Variants in TRIB1 observed in about 807,000 individuals in gnomAD.
The protein encoded by TRIB1 is tribbles homolog 1.
Under a neutral mutation model 27.8 loss-of-function variants are expected in TRIB1, and 12 were observed. The observed-to-expected ratio is 0.43, with a 90% CI of 0.28 to 0.70. The LOEUF is 0.70. TRIB1 is among the 30% of genes least tolerant of loss of function. The pLI is 0.18. For synonymous variants in TRIB1, 230 were observed against 224.9 expected, an observed-to-expected ratio of 1.02 and a Z score of -0.20; for missense variants, 475 against 515.8, an observed-to-expected ratio of 0.92 and a Z score of 0.77.
chr8:125,434,634 T>C (rs1814718288), intron 2 of TRIB1, among the ~76,000 whole-genome samples: 1 of 152,240 alleles, frequency 6.6e-6, no homozygotes. Flanking sequence ...TTCTGAAACA[T>C]GCCTTACACA....
rs745645020 is a variant in TRIB1, at chr8:125,436,273, T to C, written c.921T>C (p.Ile307=). 19 of 1,613,820 alleles carry C rather than the reference T, an allele frequency of 1.2e-5. No individual in the cohort carries two copies. The highest frequency in any genetic ancestry group is 8.8e-5 in the South Asian group (8 of 91,074). ...GACAGTTCTGCATTCCTGAGCACAT[T>C]TCCCCCAAAGCCAGGTGCCTCATTC... is the stretch of plus-strand genomic sequence containing the variant. ...RRGQFCIPEH[I]SPKARCLIRS... Residue 307 remains isoleucine (I), a synonymous_variant, in exon 3 of 3, where the codon ATT becomes ATC. Transcript: ENST00000311922.
chr8:125,436,806 A>G lies in TRIB1; in HGVS notation c.*335A>G, dbSNP rs1586850080. The G allele has an allele frequency of 3.1e-6, 1 of 321,916 alleles. No individual in the cohort carries two copies. Among genetic ancestry groups the G allele is most frequent in the East Asian group, 6.0e-5 (1 of 16,616 alleles). 19.9% of individuals were successfully genotyped at this position (321,916 alleles called of 1,614,324 possible). On this transcript the variant is annotated 3_prime_UTR_variant, in exon 3 of 3. Coordinates refer to ENST00000311922, the MANE Select transcript of TRIB1 (RefSeq NM_025195.4). Reference sequence around the variant, plus strand: ...GTGTGTAATAAACTTGAGCATTCGAATGGGAGAAAAAGCAAATCGCACAAT... The same window carrying G: ...GTGTGTAATAAACTTGAGCATTCGAGTGGGAGAAAAAGCAAATCGCACAAT...
chr8:125,431,022 G>A lies in TRIB1; in HGVS notation c.120G>A (p.Ala40=), dbSNP rs1814645277. 6.8e-7 allele frequency: 1 copy of A among 1,460,670 alleles called. No individual in the cohort carries two copies. The highest frequency in any genetic ancestry group is 2.6e-5 in the Admixed American group (1 of 39,004). The allele number at this position is 1,460,670 out of a possible 1,614,324, so 90.5% of individuals were successfully genotyped here. Residue 40 remains alanine, a synonymous_variant, in exon 1 of 3, where the codon GCG becomes GCA. Coordinates refer to ENST00000311922, the MANE Select transcript of TRIB1 (RefSeq NM_025195.4). ...AACGCCTGCTGGACGCCGACGACGC[G>A]GCGGCTGTGGCGGCCAAGTGCCCGC... ...PAKRLLDADD[A]AAVAAKCPRL... is the part of the protein sequence containing the mutation.
chr8:125,433,903 C>A lies in TRIB1; in HGVS notation c.653+294C>A. 1 of 406,232 alleles carries A rather than the reference C, an allele frequency of 2.5e-6. No individual in the cohort carries two copies. Among genetic ancestry groups the A allele is most frequent in the Non-Finnish European group, 4.5e-6 (1 of 222,700 alleles). 25.2% of individuals were successfully genotyped at this position (406,232 alleles called of 1,614,324 possible). A position where few individuals can be genotyped will look rare whatever the true frequency, so the allele number is the denominator to read the frequency against. On this transcript the variant is annotated intron_variant, in intron 2 of 2. Transcript: ENST00000311922. The surrounding 1 kb of genome is among the most constrained non-coding windows in gnomAD (Gnocchi z 4.4). ...CATTCCCCATTGTTGTCAGAAAGGT[C>A]AGTTGTCTGGGGTACAAATATTAAA...
In TRIB1 at chr8:125,431,240, C is replaced by A; in HGVS notation, c.338C>A (p.Thr113Asn). Residue 113 changes from threonine to asparagine, a missense_variant, in exon 1 of 3, where the codon ACT (threonine) becomes AAT (asparagine). Physicochemically the swap from Thr to Asn is moderately conservative, Grantham distance 65 (BLOSUM62 0). Coordinates refer to ENST00000311922, the MANE Select transcript of TRIB1 (RefSeq NM_025195.4). The part of the protein sequence containing the change: ...EHVSRALCIH[T>N]GRELRCKVFP... ...GTGTCCCGGGCGCTGTGCATCCACACTGGACGCGAGCTGCGCTGCAAGGTA... is the reference window on the plus strand; with the variant it reads ...GTGTCCCGGGCGCTGTGCATCCACAATGGACGCGAGCTGCGCTGCAAGGTA... 3.2e-6 allele frequency: 4 copies of A among 1,267,112 alleles called. No homozygotes were observed. The highest frequency in any genetic ancestry group is 4.0e-6 in the Non-Finnish European group (4 of 1,007,670). 78.5% of individuals were successfully genotyped at this position (1,267,112 alleles called of 1,614,324 possible).
chr8:125,433,502 C>T lies in TRIB1; in HGVS notation c.546C>T (p.Ala182=), dbSNP rs139396954. The part of the protein sequence containing the change: ...RSRKRLREEE[A]ARLFKQIVSA... ...GGAAGAGGCTGCGGGAAGAGGAAGC[C>T]GCCCGGCTCTTCAAGCAGATTGTCT... Residue 182 remains alanine (A), a synonymous_variant, in exon 2 of 3, where the codon GCC becomes GCT. Coordinates refer to ENST00000311922, the MANE Select transcript of TRIB1 (RefSeq NM_025195.4). The surrounding 1 kb of genome is among the most constrained non-coding windows in gnomAD (Gnocchi z 4.4). The T allele has an allele frequency of 2.3e-5, 37 of 1,614,070 alleles. No homozygotes were observed. Among genetic ancestry groups the T allele is most frequent in the African/African-American group, 2.0e-4 (15 of 74,926 alleles).
chr8:125,431,193 G>T lies in TRIB1; in HGVS notation c.291G>T (p.Leu97=). 2 of 1,287,542 alleles carry T rather than the reference G, an allele frequency of 1.6e-6. No homozygotes were observed. Among genetic ancestry groups the T allele is most frequent in the Non-Finnish European group, 9.8e-7 (1 of 1,019,868 alleles). 79.8% of individuals were successfully genotyped at this position (1,287,542 alleles called of 1,614,324 possible). A position where few individuals can be genotyped will look rare whatever the true frequency, so the allele number is the denominator to read the frequency against. Residue 97 remains leucine (L), a synonymous_variant, in exon 1 of 3, where the codon CTG becomes CTT. Coordinates refer to ENST00000311922, the MANE Select transcript of TRIB1 (RefSeq NM_025195.4). Reference sequence around the variant, plus strand: ...GCCGCATCGCCGACTACCTGCTGCTGCCCCTAGCCGAGCGCGAGCATGTGT... The same window carrying T: ...GCCGCATCGCCGACTACCTGCTGCTTCCCCTAGCCGAGCGCGAGCATGTGT... ...GPSRIADYLL[L]PLAEREHVSR... is the part of the protein sequence containing the mutation.
At chr8:125,431,989 T>C (rs1814664056) in intron 1 of TRIB1, among the ~76,000 whole-genome samples, 1 of 152,078 alleles carries the variant, frequency 6.6e-6, no homozygotes, top group Non-Finnish European at 1.5e-5. Flanking sequence ...AGAAACAGGA[T>C]CCGCCGGGTC....
At position 125,431,094 on chromosome 8, in the gene TRIB1, C is replaced by T. The variant is rs1038238748; in HGVS notation, c.192C>T (p.Gly64=). ...SSPPDYLSPP[G]SPCSPQPPPA... Reference sequence around the variant, plus strand: ...CCCCGGACTACCTCAGCCCCCCCGGCTCGCCCTGCAGCCCGCAGCCCCCGC... The same window carrying T: ...CCCCGGACTACCTCAGCCCCCCCGGTTCGCCCTGCAGCCCGCAGCCCCCGC... Residue 64 remains glycine (G), a synonymous_variant, in exon 1 of 3, where the codon GGC becomes GGT. Transcript: ENST00000311922. 2 of 1,380,814 alleles carry T rather than the reference C, an allele frequency of 1.4e-6. No individual in the cohort carries two copies. The highest frequency in any genetic ancestry group is 3.0e-5 in the African/African-American group (2 of 65,628). The allele number at this position is 1,380,814 out of a possible 1,614,324, so 85.5% of individuals were successfully genotyped here.
rs16900603 is a variant in TRIB1, at chr8:125,436,432, G to T, written c.1080G>T (p.Glu360Asp). 6,863 of 1,613,884 alleles carry T rather than the reference G, an allele frequency of 4.3e-3. 283 individuals are homozygous for T. The African/African-American group carries it at 0.082, about 19-fold the overall frequency. The change falls in exon 3 of 3, where the codon GAG becomes GAT. Residue 360 changes from glutamate to aspartate, a missense_variant. By Grantham distance (45) the Glu-to-Asp change is conservative (BLOSUM62 2). Coordinates refer to ENST00000311922, the MANE Select transcript of TRIB1 (RefSeq NM_025195.4). ...EIGTSDQIVP[E>D]YQEDSDISSF... ...GAACTTCAGACCAGATTGTTCCAGAGTACCAGGAGGACAGTGACATTAGTT... is the reference window on the plus strand; with the variant it reads ...GAACTTCAGACCAGATTGTTCCAGATTACCAGGAGGACAGTGACATTAGTT...
At position 125,437,071 on chromosome 8, in the gene TRIB1, C is replaced by T. The variant is rs1814766192; in HGVS notation, c.*600C>T. 6.4e-6 allele frequency: 1 copy of T among 156,036 alleles called. No homozygotes were observed. The allele number at this position is 156,036 out of a possible 1,614,324, so 9.7% of individuals were successfully genotyped here. On this transcript the variant is annotated 3_prime_UTR_variant, in exon 3 of 3. Coordinates refer to ENST00000311922, the MANE Select transcript of TRIB1 (RefSeq NM_025195.4). ...AGCCTGATGGAACCATGAACCGAGA[C>T]TCTTCTCTGTTTCCTGCCAAGACCT...
rs2129823086 is a variant in TRIB1 at position 125,437,871 on chromosome 8, G to A, written c.*1400G>A. ...CTGTCTTGGACAGTGCTGAAATCAGGTGGTTAAACGGGTAAACAAAATATA... is the reference window on the plus strand; with the variant it reads ...CTGTCTTGGACAGTGCTGAAATCAGATGGTTAAACGGGTAAACAAAATATA... On this transcript the variant is annotated 3_prime_UTR_variant, in exon 3 of 3. Transcript: ENST00000311922. 6.5e-6 allele frequency: 1 copy of A among 152,918 alleles called. No individual in the cohort carries two copies. Among genetic ancestry groups the A allele is most frequent in the Middle Eastern group, 3.4e-3 (1 of 294 alleles). 9.5% of individuals were successfully genotyped at this position (152,918 alleles called of 1,614,324 possible).
chr8:125,436,695 A>AC lies in TRIB1; in HGVS notation c.*227dup. ...CCTGCAAATTTGTTTCCCTTAAGGAACCCTCACCAACTATCTCTGCTGGAT... is the reference window on the plus strand; with the variant it reads ...CCTGCAAATTTGTTTCCCTTAAGGAACCCCTCACCAACTATCTCTGCTGGAT... On this transcript the variant is annotated 3_prime_UTR_variant, in exon 3 of 3. Coordinates refer to ENST00000311922, the MANE Select transcript of TRIB1 (RefSeq NM_025195.4). 1 of 581,694 alleles carries AC rather than the reference A, an allele frequency of 1.7e-6. No homozygotes were observed. The highest frequency in any genetic ancestry group is 1.9e-5 in the African/African-American group (1 of 53,624). The allele number at this position is 581,694 out of a possible 1,614,324, so 36.0% of individuals were successfully genotyped here.
chr8:125,436,883 A>G lies in TRIB1; in HGVS notation c.*412A>G, dbSNP rs1233306229. ...TTTCACAGGGTGACAAATTGGGCCA[A>G]TAAATCTGCCATCTTTGAACTCATC... On this transcript the variant is annotated 3_prime_UTR_variant, in exon 3 of 3. Transcript: ENST00000311922. 1 of 213,846 alleles carries G rather than the reference A, an allele frequency of 4.7e-6. No individual in the cohort carries two copies. Among genetic ancestry groups the G allele is most frequent in the African/African-American group, 2.3e-5 (1 of 42,890 alleles). The allele number at this position is 213,846 out of a possible 1,614,324, so 13.2% of individuals were successfully genotyped here. A position where few individuals can be genotyped will look rare whatever the true frequency, so the allele number is the denominator to read the frequency against.
intron 1 of TRIB1, 102 bp downstream of exon 1, chr8:125,431,364 G>A (rs1158595452): frequency 5.9e-6 from 7 of 1,188,396 alleles, no homozygotes; most frequent in Non-Finnish European, 7.4e-6. Context: ...TGGGCACAGG[G>A]CGGATCAGTA....
At position 125,438,260 on chromosome 8, in the gene TRIB1, C is replaced by T. The variant is rs1323378388; in HGVS notation, c.*1789C>T. 5 of 152,686 alleles carry T rather than the reference C, an allele frequency of 3.3e-5. No individual in the cohort carries two copies. Among genetic ancestry groups the T allele is most frequent in the Non-Finnish European group, 5.9e-5 (4 of 68,048 alleles). 9.5% of individuals were successfully genotyped at this position (152,686 alleles called of 1,614,324 possible). A position where few individuals can be genotyped will look rare whatever the true frequency, so the allele number is the denominator to read the frequency against. ...ACTGTTGTATCTGTGATACATTATC[C>T]GACTAAGGACTCTGGGCTGGCAGGG... On this transcript the variant is annotated 3_prime_UTR_variant, in exon 3 of 3. Transcript: ENST00000311922.
Position 125,433,361 on chromosome 8 carries a change from C to T in TRIB1, c.405C>T (p.Ile135=). 1 of 1,614,170 alleles carries T rather than the reference C, an allele frequency of 6.2e-7. No individual in the cohort carries two copies. The highest frequency in any genetic ancestry group is 8.5e-7 in the Non-Finnish European group (1 of 1,180,020). The change falls in exon 2 of 3, where the codon ATC becomes ATT. Residue 135 remains isoleucine (I), a synonymous_variant. Transcript: ENST00000311922. This position sits in a 1 kb window ranked among gnomAD's most constrained non-coding sequence, Gnocchi z 4.4. ...KHYQDKIRPY[I]QLPSHSNITG... ...ACCAGGACAAAATCAGGCCTTACAT[C>T]CAGCTGCCATCGCACAGCAACATTA...
chr8:125,432,344 TG>T (rs1350112144), intron 1 of TRIB1: 1 of 57,098 alleles, frequency 1.8e-5, no homozygotes, highest in Non-Finnish European at 3.3e-5. Context: ...TGTGGTGGGA[TG>T]GGATGGGATG....
chr8:125,432,396 G>A (rs899373592), intron 1 of TRIB1: 5 of 710,770 alleles, frequency 7.0e-6, no homozygotes, highest in Non-Finnish European at 8.6e-6. Flanking sequence ...TCTAGCTGGT[G>A]CCAGAGCAGC....
Sources: gnomAD v4.1 joint callset for allele counts (sites outside exome capture counted in the v4.1 genomes callset) on GRCh38, gnomAD v4.1.1 for gene constraint, Gnocchi (gnomAD v3.1) non-coding constraint, MANE v1.5 for transcripts, NCBI Gene and HGNC (gene_info 2026-07-23, HGNC 2026-07-21) for gene names.